PRKD1: variants seen among roughly 807,000 people sequenced by gnomAD.
PRKD1 encodes the protein serine/threonine-protein kinase D1.
A neutral mutation model predicts 95.9 loss-of-function variants in PRKD1; 63 were observed. The ratio of observed to expected loss-of-function variants is 0.66; its 90% confidence interval spans 0.54 to 0.81. The LOEUF (loss-of-function observed/expected upper bound fraction) is 0.81, where lower values mean the gene tolerates loss of function less well. Among genes scored for constraint, PRKD1 ranks in the 30% least tolerant of loss-of-function variants. The probability of loss-of-function intolerance (pLI) is 0.00; values close to 1 mark genes in which losing one functional copy is unlikely to be tolerated. For synonymous variants in PRKD1, 425 were observed against 423.1 expected, an observed-to-expected ratio of 1.00 and a Z score of -0.05; for missense variants, 1,048 against 1,165.3, an observed-to-expected ratio of 0.90 and a Z score of 1.47.
intron 1 of PRKD1, among the ~76,000 whole-genome samples, chr14:29,907,328 C>T (rs1388053493): frequency 6.6e-6 from 1 of 152,088 alleles, no homozygotes; most frequent in African/African-American, 2.4e-5. Flanking sequence ...TAGAAAAGAA[C>T]AATTACTAGA....
rs118156236 is a variant in PRKD1, at chr14:29,634,237, G to A, written c.1314+181C>T. 3.7e-3 allele frequency among the ~76,000 whole-genome samples: 566 copies of A among 152,236 alleles called. 4 individuals carry two copies. The highest frequency in any genetic ancestry group is 5.7e-3 in the Non-Finnish European group (390 of 68,014). ...GCTTTCCACACTTTTTCCTAACTTC[G>A]TTGCTTGCTCAACTATATCTGACAC... On this transcript the variant is annotated intron_variant, in intron 8 of 17. Transcript: ENST00000331968.
At position 29,707,490 on chromosome 14, in the gene PRKD1, T is replaced by C. The variant is rs370953625; in HGVS notation, c.403+18046A>G. Among the ~76,000 whole-genome samples, 11 of 152,320 alleles carry C rather than the reference T, an allele frequency of 7.2e-5. No individual in the cohort carries two copies. The East Asian group carries it at 1.2e-3, about 16-fold the overall frequency. Reference sequence around the variant, plus strand: ...CTGTAGGCACTGAGAATATAGCATATAGCAATAAAGTAGAAAGATAATGTA... The same window carrying C: ...CTGTAGGCACTGAGAATATAGCATACAGCAATAAAGTAGAAAGATAATGTA... On this transcript the variant is annotated intron_variant, in intron 2 of 17. Transcript: ENST00000331968.
At chr14:29,595,268 T>A (rs2139000128) in intron 16 of PRKD1, among the ~76,000 whole-genome samples, 1 of 152,316 alleles carries the variant, frequency 6.6e-6, no homozygotes, top group Admixed American at 6.5e-5. Context: ...ATGCTATGTC[T>A]CTTTCTTTCC....
rs1490324895 is a variant in PRKD1 at position 29,783,745 on chromosome 14, G to T, written c.265-58071C>A. Among the ~76,000 whole-genome samples the T allele has an allele frequency of 6.6e-5, 10 of 152,232 alleles. 1 individual carries two copies. Among genetic ancestry groups the T allele is most frequent in the African/African-American group, 2.4e-4 (10 of 41,538 alleles). On this transcript the variant is annotated intron_variant, in intron 1 of 17. Transcript: ENST00000331968. ...GCATTTTCCTGATGATTAGAGAGAT[G>T]CTGAGCATTTTTTCTTCTGTCTGTT...
chr14:29,730,839 C>A (rs1424892705), intron 1 of PRKD1, among the ~76,000 whole-genome samples: 1 of 152,088 alleles, frequency 6.6e-6, no homozygotes, highest in East Asian at 1.9e-4. Context: ...ACAGTGGTTA[C>A]TGGGGCTAAG....
chr14:29,815,172 A>G (rs1380080125), intron 1 of PRKD1, among the ~76,000 whole-genome samples: 3 of 152,242 alleles, frequency 2.0e-5, no homozygotes, highest in Non-Finnish European at 4.4e-5. Flanking sequence ...AAAATTCCAC[A>G]GTTGACTGCA....
chr14:29,896,534 A>T (rs1894132642), intron 1 of PRKD1, among the ~76,000 whole-genome samples: 1 of 152,166 alleles, frequency 6.6e-6, no homozygotes, highest in African/African-American at 2.4e-5. Context: ...CAGAGGACTG[A>T]TTTCTGCCTG....
chr14:29,731,773 T>C (rs952175924), intron 1 of PRKD1, among the ~76,000 whole-genome samples: 5 of 152,202 alleles, frequency 3.3e-5, no homozygotes, highest in Non-Finnish European at 7.3e-5. Flanking sequence ...CATGGTACTA[T>C]GTTGTCATTC....
intron 1 of PRKD1, among the ~76,000 whole-genome samples, chr14:29,850,885 C>CA (rs202194632): frequency 0.012 from 1,663 of 140,940 alleles, 34 homozygotes; most frequent in African/African-American, 0.042. Context: ...CAAAAACAGA[C>CA]AAAAAAAAAT....
At chr14:29,804,206 T>C (rs539034658) in intron 1 of PRKD1, among the ~76,000 whole-genome samples, 2 of 149,216 alleles carry the variant, frequency 1.3e-5, no homozygotes, top group African/African-American at 5.0e-5. Flanking sequence ...CAGGCCATTA[T>C]ACTCCAGTAT....
rs181817261 is a variant in PRKD1 at position 29,675,162 on chromosome 14, C to G, written c.404-8954G>C. ...ACTCCCCCTATTCTTCACGAAGATT[C>G]ATGACTTCATGAAGCCGACTGATTC... is the stretch of plus-strand genomic sequence containing the variant. On this transcript the variant is annotated intron_variant, in intron 2 of 17. Coordinates refer to ENST00000331968, the MANE Select transcript of PRKD1 (RefSeq NM_002742.3). Among the ~76,000 whole-genome samples the G allele has an allele frequency of 7.9e-5, 12 of 152,302 alleles. No individual in the cohort carries two copies. In the East Asian group the frequency reaches 2.3e-3, roughly 29 times the overall value.
At chr14:29,750,814 G>A (rs1887448062) in intron 1 of PRKD1, among the ~76,000 whole-genome samples, 2 of 152,156 alleles carry the variant, frequency 1.3e-5, no homozygotes, top group Admixed American at 1.3e-4. Flanking sequence ...ATGAAATTAT[G>A]TTATTTGAGG....
chr14:29,795,526 T>C (rs988258989), intron 1 of PRKD1, among the ~76,000 whole-genome samples: 15 of 152,118 alleles, frequency 9.9e-5, no homozygotes, highest in Non-Finnish European at 1.8e-4. Context: ...TTCTTCAATA[T>C]GAGTAGTATT....
chr14:29,668,876 C>T (rs1268630750), intron 2 of PRKD1, among the ~76,000 whole-genome samples: 2 of 152,108 alleles, frequency 1.3e-5, no homozygotes, highest in Non-Finnish European at 2.9e-5. Context: ...TGCCAAACCC[C>T]ATTTTACAGA....
intron 13 of PRKD1, among the ~76,000 whole-genome samples, chr14:29,610,416 A>G (rs1429611142): frequency 1.3e-5 from 2 of 152,200 alleles, no homozygotes; most frequent in Non-Finnish European, 2.9e-5. Context: ...TACATGAAAA[A>G]TTGCTCAATA....
chr14:29,680,344 G>T (rs1488332267), intron 2 of PRKD1, among the ~76,000 whole-genome samples: 1 of 152,170 alleles, frequency 6.6e-6, no homozygotes, highest in Admixed American at 6.5e-5. Flanking sequence ...AAGTGTCAGT[G>T]TCTAGTGAGT....
At chr14:29,642,888 T>TGAA (rs1594388813) in intron 4 of PRKD1, among the ~76,000 whole-genome samples, 1 of 150,756 alleles carries the variant, frequency 6.6e-6, no homozygotes, top group East Asian at 2.0e-4. Context: ...ATGTATTTGG[T>TGAA]GAACCTGAAA....
chr14:29,747,138 A>G (rs1173868141), intron 1 of PRKD1, among the ~76,000 whole-genome samples: 4 of 152,214 alleles, frequency 2.6e-5, no homozygotes, highest in Admixed American at 2.6e-4. Context: ...CCCAAATGTG[A>G]TAAGTACACA....
At chr14:29,817,690 C>G (rs1890746975) in intron 1 of PRKD1, among the ~76,000 whole-genome samples, 1 of 152,054 alleles carries the variant, frequency 6.6e-6, no homozygotes, top group Non-Finnish European at 1.5e-5. Context: ...TTATAAACTT[C>G]TAGGCCAGGA....
Sources: gnomAD v4.1 joint callset for allele counts (sites outside exome capture counted in the v4.1 genomes callset) on GRCh38, gnomAD v4.1.1 for gene constraint, MANE v1.5 for transcripts, NCBI Gene and HGNC (gene_info 2026-07-23, HGNC 2026-07-21) for gene names.